The following ACTR2 variants were observed in gnomAD, a reference collection of about 807,000 sequenced individuals.
ACTR2 encodes the protein actin-related protein 2.
In ACTR2, 5 loss-of-function variants were observed where a neutral mutation model predicts 50.2. The observed-to-expected ratio is 0.10, with a 90% confidence interval of 0.05 to 0.21. ACTR2 has a LOEUF of 0.21. Among genes scored for constraint, ACTR2 ranks in the 10% least tolerant of loss-of-function variants. ACTR2 has a pLI of 1.00. For synonymous variants in ACTR2, 140 were observed against 162.9 expected (o/e 0.86, Z 1.07); for missense variants, 180 against 480.6 (o/e 0.37, Z 5.85).
intron 5 of ACTR2, 27 bp from the exon 6 acceptor site, chr2:65,255,518 G>T: frequency 6.2e-7 from 1 of 1,602,502 alleles, no homozygotes; most frequent in South Asian, 1.1e-5. Context: ...GATGTATTAT[G>T]AACTTATTGC....
In ACTR2 at chr2:65,269,818, T is replaced by C. The variant is rs1372322640; in HGVS notation, c.*1084T>C. 5.3e-5 allele frequency: 8 copies of C among 152,340 alleles called. No homozygotes were observed. Among genetic ancestry groups the C allele is most frequent in the Middle Eastern group, 3.4e-3 (1 of 294 alleles). 9.4% of individuals were successfully genotyped at this position (152,340 alleles called of 1,614,324 possible). Reference sequence around the variant, plus strand: ...ATTGGAATACAGGACTTGTTGCCAATTGGGTAATTTTCATTAGTTGTTTTG... The same window carrying C: ...ATTGGAATACAGGACTTGTTGCCAACTGGGTAATTTTCATTAGTTGTTTTG... On this transcript the variant is annotated 3_prime_UTR_variant, in exon 9 of 9. Transcript: ENST00000260641.
rs528455153 is a variant in ACTR2, at chr2:65,258,443, T to G, written c.735+2749T>G. Among the ~76,000 whole-genome samples, 134 of 152,112 alleles carry G rather than the reference T, an allele frequency of 8.8e-4. 1 individual carries two copies. Among genetic ancestry groups the G allele is most frequent in the Admixed American group, 8.8e-3 (134 of 15,274 alleles). On this transcript the variant is annotated intron_variant, in intron 6 of 8. Coordinates refer to ENST00000260641, the MANE Select transcript of ACTR2 (RefSeq NM_005722.4). ...AAATACAAAAATTTGCCAGGCGTAG[T>G]GGCACGTGCCTGTAGTCCTAGCTAG... is the stretch of plus-strand genomic sequence containing the variant.
intron 1 of ACTR2, among the ~76,000 whole-genome samples, chr2:65,237,493 A>T (rs1019307101): frequency 1.3e-5 from 2 of 151,950 alleles, no homozygotes; most frequent in Non-Finnish European, 2.9e-5. Context: ...CTACCTGCCT[A>T]AGCCTCCCAA....
intron 3 of ACTR2, among the ~76,000 whole-genome samples, chr2:65,247,172 C>T (rs1558623767): frequency 6.6e-6 from 1 of 152,116 alleles, no homozygotes; most frequent in Admixed American, 6.6e-5. Flanking sequence ...CACGTGCAAA[C>T]TTAACTACCA....
At chr2:65,262,061 T>C (rs920032251) in intron 7 of ACTR2, among the ~76,000 whole-genome samples, 1 of 152,236 alleles carries the variant, frequency 6.6e-6, no homozygotes, top group Non-Finnish European at 1.5e-5. Flanking sequence ...GCCCATTTAT[T>C]AATTGGGTTA....
intron 2 of ACTR2, chr2:65,242,021 C>G: frequency 6.2e-7 from 1 of 1,607,942 alleles, no homozygotes; most frequent in South Asian, 1.1e-5. Context: ...CCTTCTCTCT[C>G]TTCACCTTTC....
intron 1 of ACTR2, among the ~76,000 whole-genome samples, chr2:65,229,674 T>C (rs1417887367): frequency 1.4e-5 from 2 of 145,636 alleles, no homozygotes; most frequent in Non-Finnish European, 3.0e-5. Context: ...GAGAATCGCT[T>C]GAACCCGGTA....
chr2:65,264,211 A>G (rs747325000), intron 7 of ACTR2, among the ~76,000 whole-genome samples: 24 of 152,358 alleles, frequency 1.6e-4, no homozygotes, highest in Middle Eastern at 3.4e-3. Context: ...GAAAATGTAC[A>G]TGTAAATGCT....
chr2:65,255,811 T>C, intron 6 of ACTR2, 117 bp downstream of exon 6: 1 of 773,748 alleles, frequency 1.3e-6, no homozygotes. Flanking sequence ...TGTTGTAATA[T>C]GTATATGTGT....
Position 65,255,033 on chromosome 2 carries a change from A to G in ACTR2, c.586-512A>G, listed in dbSNP as rs538294317. 7.9e-5 allele frequency among the ~76,000 whole-genome samples: 12 copies of G among 152,264 alleles called. No individual in the cohort carries two copies. The East Asian group carries it at 2.1e-3, about 27-fold the overall frequency. On this transcript the variant is annotated intron_variant, in intron 5 of 8. Coordinates refer to ENST00000260641, the MANE Select transcript of ACTR2 (RefSeq NM_005722.4). ...TTTCTAGCATTTAAGAAATGTAACAATGGAGATTATACCTTTGAGTATCCC... is the reference window on the plus strand; with the variant it reads ...TTTCTAGCATTTAAGAAATGTAACAGTGGAGATTATACCTTTGAGTATCCC...
At chr2:65,254,825 G>A (rs532649560) in intron 5 of ACTR2, among the ~76,000 whole-genome samples, 12 of 152,290 alleles carry the variant, frequency 7.9e-5, no homozygotes, top group Non-Finnish European at 1.6e-4. Context: ...TCCTCCTCAT[G>A]AGGGGAGATT....
In ACTR2 at chr2:65,253,458, GA is replaced by G. The variant is rs945061103; in HGVS notation, c.449-262del. 2.6e-5 allele frequency among the ~76,000 whole-genome samples: 4 copies of G among 151,488 alleles called. No individual in the cohort carries two copies. The South Asian group carries it at 6.3e-4, about 24-fold the overall frequency. Reference sequence around the variant, plus strand: ...CAGACCCTGTCTCAAAAAAAAAAAGGAAAAAAAAGTCCTGTTTTTCAGTCCT... The same window carrying G: ...CAGACCCTGTCTCAAAAAAAAAAAGGAAAAAAAGTCCTGTTTTTCAGTCCT... On this transcript the variant is annotated intron_variant, in intron 4 of 8. Coordinates refer to ENST00000260641, the MANE Select transcript of ACTR2 (RefSeq NM_005722.4).
At chr2:65,267,543 A>G (rs558978555) in intron 8 of ACTR2, among the ~76,000 whole-genome samples, 11 of 152,268 alleles carry the variant, frequency 7.2e-5, no homozygotes, top group Admixed American at 3.9e-4. Flanking sequence ...AAAACTTGCT[A>G]TGTCATTTTA....
At chr2:65,261,199 A>G (rs1672261924) in intron 6 of ACTR2, 48 bp from the exon 7 acceptor site, 1 of 1,606,856 alleles carries the variant, frequency 6.2e-7, no homozygotes, top group East Asian at 2.2e-5. Context: ...GAACACTGGG[A>G]AATTTTAATC....
chr2:65,241,123 A>T (rs1209466581), intron 2 of ACTR2, among the ~76,000 whole-genome samples: 1 of 152,014 alleles, frequency 6.6e-6, no homozygotes, highest in Non-Finnish European at 1.5e-5. Flanking sequence ...TATTTGTGGG[A>T]TTCCTTACTT....
intron 2 of ACTR2, among the ~76,000 whole-genome samples, 183 bp downstream of exon 2, chr2:65,240,145 T>C (rs1671813864): frequency 1.3e-5 from 2 of 152,210 alleles, no homozygotes; most frequent in Non-Finnish European, 2.9e-5. Flanking sequence ...TTGAAGTTAA[T>C]TTCATCTGAT....
chr2:65,231,205 T>C (rs577694455), intron 1 of ACTR2, among the ~76,000 whole-genome samples: 141 of 152,338 alleles, frequency 9.3e-4, no homozygotes, highest in African/African-American at 3.1e-3. Context: ...TCTGTTCTTA[T>C]GCTTCTAGTT....
At chr2:65,246,389 G>C in intron 2 of ACTR2, 135 bp from the exon 3 acceptor site, 1 of 653,698 alleles carries the variant, frequency 1.5e-6, no homozygotes, top group Non-Finnish European at 2.6e-6. Context: ...CATTGTTCTT[G>C]ATAGAAAAGA....
chr2:65,253,493 G>A (rs573301311), intron 4 of ACTR2, among the ~76,000 whole-genome samples: 24 of 151,754 alleles, frequency 1.6e-4, no homozygotes, highest in African/African-American at 5.8e-4. Flanking sequence ...CTCAGTCTCA[G>A]GGTCTGTTTC....
Sources: allele counts gnomAD v4.1 joint callset (sites outside exome capture counted in the v4.1 genomes callset), GRCh38; gene constraint gnomAD v4.1.1; transcripts MANE v1.5; gene names NCBI Gene and HGNC (gene_info 2026-07-23, HGNC 2026-07-21).